The following WNT9A variants were observed in gnomAD, a reference collection of about 807,000 sequenced individuals.
WNT9A encodes the protein protein Wnt-9a.
In WNT9A, 8 loss-of-function variants were observed where a neutral mutation model predicts 31.4. The ratio of observed to expected loss-of-function variants is 0.26; its 90% confidence interval spans 0.15 to 0.46. The LOEUF (loss-of-function observed/expected upper bound fraction) is 0.46. WNT9A is among the 20% of genes least tolerant of loss of function. The probability of loss-of-function intolerance (pLI) is 0.99; values close to 1 mark genes in which losing one functional copy is unlikely to be tolerated. For missense variants in WNT9A, 457 were observed against 522.9 expected (o/e 0.87, Z 1.23); for synonymous variants, 236 against 220.1 (o/e 1.07, Z -0.64).
In WNT9A at chr1:227,939,598, A is replaced by G. The variant is rs142405153; in HGVS notation, c.95+8195T>C. ...ACAGGCTCCTTCCAGCTCCCAGCAC[A>G]ATAGACAGGAAGTCCTACGGAGGGA... On this transcript the variant is annotated intron_variant, in intron 1 of 3. Transcript: ENST00000272164. Among the ~76,000 whole-genome samples the G allele has an allele frequency of 6.8e-3, 1,036 of 152,250 alleles. 16 individuals carry two copies. The highest frequency in any genetic ancestry group is 0.029 in the East Asian group (152 of 5,178).
rs747732180 is a variant in WNT9A at position 227,921,794 on chromosome 1, G to A, written c.822C>T (p.Ala274=). The change falls in exon 4 of 4, where the codon GCC becomes GCT. Residue 274 remains alanine, a synonymous_variant. Coordinates refer to ENST00000272164, the MANE Select transcript of WNT9A (RefSeq NM_003395.4). ...AGAISPPRGR[A]SGAGGSDPLP... is the part of the protein sequence containing the mutation. ...GCGGGTCGCTGCCACCTGCCCCCGA[G>A]GCACGGCCCCGTGGTGGGGAGATGG... The A allele has an allele frequency of 1.1e-5, 17 of 1,612,422 alleles. No individual in the cohort carries two copies. The highest frequency in any genetic ancestry group is 5.3e-5 in the African/African-American group (4 of 74,926).
rs1483932090 is a variant in WNT9A at position 227,928,968 on chromosome 1, T to G, written c.96-3449A>C. On this transcript the variant is annotated intron_variant, in intron 1 of 3. Transcript: ENST00000272164. This position sits in a 1 kb window ranked among gnomAD's most constrained non-coding sequence, Gnocchi z 4.5. The stretch of plus-strand genomic sequence containing the variant: ...ACAAATTACATCTGGGGCAAATGCC[T>G]ACAACTCACACCCCAGACCAGGGGC... 6.6e-6 allele frequency among the ~76,000 whole-genome samples: 1 copy of G among 152,214 alleles called. No individual in the cohort carries two copies. The highest frequency in any genetic ancestry group is 1.9e-4 in the East Asian group (1 of 5,194).
At chr1:227,932,887 G>T (rs1406783315) in intron 1 of WNT9A, among the ~76,000 whole-genome samples, 1 of 152,184 alleles carries the variant, frequency 6.6e-6, no homozygotes, top group African/African-American at 2.4e-5. Flanking sequence ...TGTCATCGAG[G>T]CTTTGTTATT....
chr1:227,921,513 G>A lies in WNT9A; in HGVS notation c.*5C>T. Reference sequence around the variant, plus strand: ...TGTGCAGCAGGGCTGGCAGGGCCTGGGAACTCAGCCCTTGCAGGTGTAGAC... The same window carrying A: ...TGTGCAGCAGGGCTGGCAGGGCCTGAGAACTCAGCCCTTGCAGGTGTAGAC... On this transcript the variant is annotated 3_prime_UTR_variant, in exon 4 of 4. Transcript: ENST00000272164. 1 of 1,602,348 alleles carries A rather than the reference G, an allele frequency of 6.2e-7. No homozygotes were observed. The highest frequency in any genetic ancestry group is 1.1e-5 in the South Asian group (1 of 89,870).
chr1:227,935,528 C>T (rs1666580907), intron 1 of WNT9A, among the ~76,000 whole-genome samples: 1 of 152,194 alleles, frequency 6.6e-6, no homozygotes, highest in Non-Finnish European at 1.5e-5. Context: ...TGAGTTCTCT[C>T]CCCTCCTCTA....
chr1:227,944,623 C>A (rs979594604), intron 1 of WNT9A, among the ~76,000 whole-genome samples: 8 of 152,154 alleles, frequency 5.3e-5, no homozygotes, highest in Admixed American at 4.6e-4. Flanking sequence ...CAGTTCCAAG[C>A]ACCTTTCCAG....
At chr1:227,927,215 G>A (rs960399294) in intron 1 of WNT9A, among the ~76,000 whole-genome samples, 1 of 152,136 alleles carries the variant, frequency 6.6e-6, no homozygotes, top group Non-Finnish European at 1.5e-5. Context: ...GCTGCAGAGG[G>A]GGTCTTCACT....
Position 227,940,676 on chromosome 1 carries a change from A to C in WNT9A, c.95+7117T>G, listed in dbSNP as rs55694280. Among the ~76,000 whole-genome samples the C allele has an allele frequency of 5.3e-3, 815 of 152,344 alleles. 6 individuals carry two copies. The highest frequency in any genetic ancestry group is 0.019 in the African/African-American group (787 of 41,580). On this transcript the variant is annotated intron_variant, in intron 1 of 3. Transcript: ENST00000272164. ...CCTCCAGCCCACTTCCCCTGGCTGC[A>C]CTGACCTCAGGTATCGCTAAAAAAA... is the stretch of plus-strand genomic sequence containing the variant.
In WNT9A at chr1:227,925,433, C is replaced by T. The variant is rs201711724; in HGVS notation, c.182G>A (p.Arg61Gln). ...AAQAHYKACD[R>Q]LKLERKQRRM... ...CCGCTGCTTCCGCTCCAGCTTCAGC[C>T]GGTCGCAGGCCTTGTAGTGCGCCTG... is the stretch of plus-strand genomic sequence containing the variant. The change falls in exon 2 of 4, where the codon CGG becomes CAG. Residue 61 changes from arginine (R) to glutamine (Q), a missense_variant. Transcript: ENST00000272164. The surrounding 1 kb of genome is among the most constrained non-coding windows in gnomAD (Gnocchi z 6.0). 9.0e-5 allele frequency: 143 copies of T among 1,597,380 alleles called. No homozygotes were observed. The African/African-American group carries it at 1.2e-3, about 13-fold the overall frequency.
chr1:227,943,781 C>G (rs1035968124), intron 1 of WNT9A, among the ~76,000 whole-genome samples: 1 of 152,122 alleles, frequency 6.6e-6, no homozygotes, highest in Non-Finnish European at 1.5e-5. Flanking sequence ...TCAAAATCAG[C>G]CTGGACAGCA....
At position 227,921,397 on chromosome 1, in the gene WNT9A, T is replaced by G; in HGVS notation, c.*121A>C. Reference sequence around the variant, plus strand: ...GTAGACCCATTCACACTGTGTGCAATGCCTGTACCCCACGCAGCTGGGCTG... The same window carrying G: ...GTAGACCCATTCACACTGTGTGCAAGGCCTGTACCCCACGCAGCTGGGCTG... On this transcript the variant is annotated 3_prime_UTR_variant, in exon 4 of 4. Transcript: ENST00000272164. 1 of 1,466,854 alleles carries G rather than the reference T, an allele frequency of 6.8e-7. No homozygotes were observed. The highest frequency in any genetic ancestry group is 2.3e-5 in the East Asian group (1 of 43,672). 90.9% of individuals were successfully genotyped at this position (1,466,854 alleles called of 1,614,324 possible). A position where few individuals can be genotyped will look rare whatever the true frequency, so the allele number is the denominator to read the frequency against.
chr1:227,946,308 G>A (rs1666792129), intron 1 of WNT9A, among the ~76,000 whole-genome samples: 1 of 152,214 alleles, frequency 6.6e-6, no homozygotes, highest in Non-Finnish European at 1.5e-5. Flanking sequence ...CCAGGAATCG[G>A]ATCACAGCAG....
In WNT9A at chr1:227,924,276, G is replaced by C. The variant is rs1299993371; in HGVS notation, c.477C>G (p.Asn159Lys). 6.2e-7 allele frequency: 1 copy of C among 1,613,854 alleles called. No individual in the cohort carries two copies. The highest frequency in any genetic ancestry group is 8.5e-7 in the Non-Finnish European group (1 of 1,179,992). Residue 159 changes from asparagine to lysine, a missense_variant, in exon 3 of 4, where the codon AAC (asparagine) becomes AAG (lysine). Transcript: ENST00000272164. ...AGCCCCCCCACTGCCAGGCCTCACGGTTCTCCAGGTCGGGTGCCTCATCGC... is the reference window on the plus strand; with the variant it reads ...AGCCCCCCCACTGCCAGGCCTCACGCTTCTCCAGGTCGGGTGCCTCATCGC... ...CTCDEAPDLE[N>K]REAWQWGGCG... is the part of the protein sequence containing the mutation.
chr1:227,945,722 C>T (rs1666783760), intron 1 of WNT9A, among the ~76,000 whole-genome samples: 1 of 152,126 alleles, frequency 6.6e-6, no homozygotes, highest in African/African-American at 2.4e-5. Flanking sequence ...CTTTAATGCC[C>T]TGGGCCACCC....
At chr1:227,924,845 AG>A (rs1234647670) in intron 2 of WNT9A, among the ~76,000 whole-genome samples, 1 of 151,548 alleles carries the variant, frequency 6.6e-6, no homozygotes, top group Non-Finnish European at 1.5e-5. Context: ...AGCCCCTGGG[AG>A]GGGGCGGGAG....
chr1:227,921,916 C>T lies in WNT9A; in HGVS notation c.700G>A (p.Ala234Thr), dbSNP rs1277694749. 3 of 1,613,178 alleles carry T rather than the reference C, an allele frequency of 1.9e-6. No individual in the cohort carries two copies. The Admixed American group carries it at 5.0e-5, about 27-fold the overall frequency. The change falls in exon 4 of 4, where the codon GCG (alanine) becomes ACG (threonine). Residue 234 changes from alanine to threonine, a missense_variant. Physicochemically the swap from Ala to Thr is moderately conservative, Grantham distance 58 (BLOSUM62 0). Transcript: ENST00000272164. The part of the protein sequence containing the change: ...CTVRTCWRQL[A>T]PFHEVGKHLK... ...TGCTTGCCCACCTCATGGAAAGGCG[C>T]CAACTGCCGCCAGCAGGTCCGCACC... is the stretch of plus-strand genomic sequence containing the variant.
intron 2 of WNT9A, 103 bp from the exon 3 acceptor site, chr1:227,924,503 C>T (rs1264153356): frequency 1.4e-6 from 2 of 1,447,504 alleles, no homozygotes; most frequent in African/African-American, 1.4e-5. Context: ...CATGTTGGGG[C>T]TCAGAGCATC....
At chr1:227,938,369 A>G (rs1001386920) in intron 1 of WNT9A, among the ~76,000 whole-genome samples, 1 of 151,368 alleles carries the variant, frequency 6.6e-6, no homozygotes, top group Non-Finnish European at 1.5e-5. Flanking sequence ...ATACACACGT[A>G]CAGGAACAAA....
At chr1:227,936,196 C>CT (rs749391618) in intron 1 of WNT9A, among the ~76,000 whole-genome samples, 5,688 of 145,880 alleles carry the variant, frequency 0.039, 137 homozygotes, top group Middle Eastern at 0.064. Flanking sequence ...TTTTCTTTTT[C>CT]TTTTTTTTTT....
Sources: gnomAD v4.1 joint callset for allele counts (sites outside exome capture counted in the v4.1 genomes callset) on GRCh38, gnomAD v4.1.1 for gene constraint, Gnocchi (gnomAD v3.1) non-coding constraint, MANE v1.5 for transcripts, NCBI Gene and HGNC (gene_info 2026-07-23, HGNC 2026-07-21) for gene names.